The following GABBR2 variants were observed in gnomAD, a reference collection of about 807,000 sequenced individuals.
The protein encoded by GABBR2 is gamma-aminobutyric acid type B receptor subunit 2.
Under a neutral mutation model 105.6 loss-of-function variants are expected in GABBR2, and 23 were observed. The observed-to-expected ratio is 0.22, with a 90% confidence interval of 0.16 to 0.31. GABBR2 has a LOEUF of 0.31. Ranked by LOEUF, GABBR2 falls within the 10% of genes least tolerant of loss-of-function variation. The pLI is 1.00. For synonymous variants in GABBR2, 478 were observed against 499.7 expected, an observed-to-expected ratio of 0.96 and a Z score of 0.58; for missense variants, 734 against 1,245.5, an observed-to-expected ratio of 0.59 and a Z score of 6.18.
chr9:98,612,359 C>T (rs1228838540), intron 1 of GABBR2, among the ~76,000 whole-genome samples: 1 of 152,176 alleles, frequency 6.6e-6, no homozygotes. Flanking sequence ...GCAACAGAAA[C>T]GTGGCCGGTC....
intron 2 of GABBR2, among the ~76,000 whole-genome samples, chr9:98,551,743 G>T (rs1314771338): frequency 1.3e-5 from 2 of 152,282 alleles, no homozygotes; most frequent in East Asian, 1.9e-4. Flanking sequence ...AGAGAGAAGT[G>T]GTGAGCTCAT....
At chr9:98,347,432 A>G (rs1201747674) in intron 13 of GABBR2, among the ~76,000 whole-genome samples, 1 of 151,816 alleles carries the variant, frequency 6.6e-6, no homozygotes, top group African/African-American at 2.4e-5. Context: ...AAATTATTTC[A>G]TTTTTTTCCT....
intron 11 of GABBR2, among the ~76,000 whole-genome samples, chr9:98,376,052 C>A (rs185432947): frequency 3.5e-4 from 53 of 152,296 alleles, no homozygotes; most frequent in African/African-American, 1.3e-3. Context: ...GCCCCCTCTG[C>A]GAACTGCCTT....
At chr9:98,317,194 G>A (rs993383969) in intron 13 of GABBR2, among the ~76,000 whole-genome samples, 11 of 152,208 alleles carry the variant, frequency 7.2e-5, no homozygotes, top group Non-Finnish European at 1.2e-4. Flanking sequence ...GCAGGGCACC[G>A]TGTCCAGCAG....
intron 1 of GABBR2, among the ~76,000 whole-genome samples, chr9:98,602,396 C>T (rs562500870): frequency 4.8e-5 from 7 of 145,532 alleles, no homozygotes; most frequent in East Asian, 4.2e-4. Context: ...CGCTTGAACC[C>T]GGGAGGCAGA....
chr9:98,568,845 C>G lies in GABBR2; in HGVS notation c.459+9090G>C, dbSNP rs534660597. On this transcript the variant is annotated intron_variant, in intron 2 of 18. Transcript: ENST00000259455. ...AAAGCTACCAAGCTTTTCCTCACCT[C>G]ATGTGTGACATGCTGCCCACTTTCA... Among the ~76,000 whole-genome samples, 10 of 152,330 alleles carry G rather than the reference C, an allele frequency of 6.6e-5. No homozygotes were observed. The South Asian group carries it at 2.1e-3, about 32-fold the overall frequency.
In GABBR2 at chr9:98,652,633, C is replaced by A. The variant is rs1588269940; in HGVS notation, c.321+55784G>T. Among the ~76,000 whole-genome samples the A allele has an allele frequency of 3.3e-5, 5 of 152,224 alleles. 1 individual carries two copies. In the South Asian group the frequency reaches 8.3e-4, roughly 25 times the overall value. ...CTCTCCTTCAAAGTGAGGCTAGAGCCCATTTCTGATAAGTCTTCCTCAAGT... is the reference window on the plus strand; with the variant it reads ...CTCTCCTTCAAAGTGAGGCTAGAGCACATTTCTGATAAGTCTTCCTCAAGT... On this transcript the variant is annotated intron_variant, in intron 1 of 18. Coordinates refer to ENST00000259455, the MANE Select transcript of GABBR2 (RefSeq NM_005458.8).
chr9:98,333,100 C>T (rs973718705), intron 13 of GABBR2, among the ~76,000 whole-genome samples: 27 of 152,204 alleles, frequency 1.8e-4, no homozygotes, highest in Admixed American at 4.6e-4. Flanking sequence ...GGCTGGCTTC[C>T]GTGGGCTCTG....
intron 1 of GABBR2, among the ~76,000 whole-genome samples, chr9:98,588,842 G>A (rs1375481257): frequency 6.6e-6 from 1 of 152,180 alleles, no homozygotes; most frequent in African/African-American, 2.4e-5. Flanking sequence ...CCATTCCATG[G>A]GTATTCTGTG....
chr9:98,573,857 A>G (rs796145633), intron 2 of GABBR2, among the ~76,000 whole-genome samples: 12 of 152,352 alleles, frequency 7.9e-5, no homozygotes, highest in Admixed American at 2.6e-4. Flanking sequence ...CTACATCTAT[A>G]TCTATGCTTT....
chr9:98,376,264 T>C (rs577910124), intron 11 of GABBR2, among the ~76,000 whole-genome samples: 6 of 152,338 alleles, frequency 3.9e-5, no homozygotes, highest in African/African-American at 1.4e-4. Context: ...ACTGCCCTTC[T>C]GGGGATCAAC....
At chr9:98,447,060 C>CTTTTTTTTTTT (rs1564072366) in intron 7 of GABBR2, among the ~76,000 whole-genome samples, 24 of 115,900 alleles carry the variant, frequency 2.1e-4, no homozygotes, top group African/African-American at 8.4e-4. Context: ...CTAAAAAAGA[C>CTTTTTTTTTTT]TTCTTTTTTT....
chr9:98,308,021 G>A (rs1056161908), intron 14 of GABBR2, among the ~76,000 whole-genome samples: 3 of 152,164 alleles, frequency 2.0e-5, no homozygotes, highest in African/African-American at 4.8e-5. Flanking sequence ...ATTATCTGAG[G>A]TCACGAGTTT....
At chr9:98,561,346 T>C (rs763051717) in intron 2 of GABBR2, among the ~76,000 whole-genome samples, 3 of 151,140 alleles carry the variant, frequency 2.0e-5, no homozygotes, top group Non-Finnish European at 4.4e-5. Context: ...GTATACCTAG[T>C]ACCCAAATGT....
chr9:98,618,026 A>G (rs972545055), intron 1 of GABBR2, among the ~76,000 whole-genome samples: 1 of 152,344 alleles, frequency 6.6e-6, no homozygotes, highest in Middle Eastern at 3.4e-3. Context: ...AGCTTAGCCC[A>G]GTGCCTGGTC....
chr9:98,437,755 T>C (rs1176792514), intron 7 of GABBR2, among the ~76,000 whole-genome samples: 2 of 148,686 alleles, frequency 1.3e-5, no homozygotes, highest in South Asian at 4.4e-4. Context: ...TCCATCCACC[T>C]ACATACTCAT....
At chr9:98,621,522 G>T (rs1028889086) in intron 1 of GABBR2, among the ~76,000 whole-genome samples, 17 of 152,174 alleles carry the variant, frequency 1.1e-4, no homozygotes, top group African/African-American at 4.1e-4. Flanking sequence ...AAACAGAAAG[G>T]CATGCTGTGA....
At chr9:98,458,049 G>GA (rs2131609168) in intron 6 of GABBR2, among the ~76,000 whole-genome samples, 1 of 152,282 alleles carries the variant, frequency 6.6e-6, no homozygotes, top group East Asian at 1.9e-4. Flanking sequence ...TTGGAACTTG[G>GA]AACATATTTT....
chr9:98,708,678 G>GGGCGGCGGT lies in GABBR2; in HGVS notation c.51_59dup (p.Pro18_Pro20dup), dbSNP rs1363776452. On this transcript the variant is annotated inframe_insertion, in exon 1 of 19. Coordinates refer to ENST00000259455, the MANE Select transcript of GABBR2 (RefSeq NM_005458.8). ...GCAGCAGTAGCAGTAGCAGGCGCGC[G>GGGCGGCGGT]GGCGGCGGTGGCGGCGGCGGCGGCG... The GGGCGGCGGT allele has an allele frequency of 8.9e-7, 1 of 1,128,328 alleles. No individual in the cohort carries two copies. The highest frequency in any genetic ancestry group is 1.7e-5 in the African/African-American group (1 of 60,414). The allele number at this position is 1,128,328 out of a possible 1,614,324, so 69.9% of individuals were successfully genotyped here.
Sources: gnomAD v4.1 joint callset for allele counts (sites outside exome capture counted in the v4.1 genomes callset) on GRCh38, gnomAD v4.1.1 for gene constraint, MANE v1.5 for transcripts, NCBI Gene and HGNC (gene_info 2026-07-23, HGNC 2026-07-21) for gene names.